HMGN3: variants seen among roughly 807,000 people sequenced by gnomAD.
HMGN3 encodes high mobility group nucleosomal binding domain 3, also known as high mobility group nucleosome-binding domain-containing protein 3.
In HMGN3, 6 loss-of-function variants were observed where a neutral mutation model predicts 18.8. The observed-to-expected ratio is 0.32, with a 90% confidence interval of 0.18 to 0.63. The LOEUF is 0.63. Ranked by LOEUF, HMGN3 falls within the 30% of genes least tolerant of loss-of-function variation. HMGN3 has a pLI of 0.79. For missense variants in HMGN3, 107 were observed against 114.2 expected (o/e 0.94, Z 0.29); for synonymous variants, 40 against 36.5 (o/e 1.10, Z -0.35).
rs1484282630 is a variant in HMGN3 at position 79,234,623 on chromosome 6, G to A, written c.-63C>T. The A allele has an allele frequency of 3.9e-6, 6 of 1,557,850 alleles. No homozygotes were observed. In the East Asian group the frequency reaches 1.3e-4, roughly 35 times the overall value. Reference sequence around the variant, plus strand: ...ACTGGAACTGCTGGCGCCGCCGCTGGATGCTGCCTCTGCCTCTGCAGCTGC... The same window carrying A: ...ACTGGAACTGCTGGCGCCGCCGCTGAATGCTGCCTCTGCCTCTGCAGCTGC... On this transcript the variant is annotated 5_prime_UTR_variant, in exon 1 of 6. Transcript: ENST00000344726.
At chr6:79,218,589 T>C (rs1158156294) in intron 1 of HMGN3, among the ~76,000 whole-genome samples, 3 of 151,852 alleles carry the variant, frequency 2.0e-5, no homozygotes. Flanking sequence ...AGTTTGAAAA[T>C]ACAAATACAA....
At chr6:79,214,723 C>T (rs1776883968) in intron 2 of HMGN3, among the ~76,000 whole-genome samples, 1 of 152,162 alleles carries the variant, frequency 6.6e-6, no homozygotes, top group African/African-American at 2.4e-5. Flanking sequence ...GCAGGGCTGA[C>T]AGGTAGAAAC....
At chr6:79,202,501 G>T in intron 4 of HMGN3, 112 bp from the exon 5 acceptor site, 1 of 890,388 alleles carries the variant, frequency 1.1e-6, no homozygotes, top group Admixed American at 1.9e-5. Flanking sequence ...TTACCATCAT[G>T]GTGGCCTTTA....
intron 3 of HMGN3, among the ~76,000 whole-genome samples, chr6:79,204,405 C>T (rs1356233343): frequency 6.6e-6 from 1 of 152,194 alleles, no homozygotes; most frequent in Non-Finnish European, 1.5e-5. Context: ...ACCGTGTGAC[C>T]ATGGACCCTC....
intron 3 of HMGN3, among the ~76,000 whole-genome samples, chr6:79,204,854 C>T (rs779390030): frequency 1.2e-4 from 19 of 152,230 alleles, no homozygotes; most frequent in Admixed American, 5.2e-4. Context: ...AGGCCAAATA[C>T]AGCAGCTTTC....
intron 4 of HMGN3, 136 bp from the exon 5 acceptor site, chr6:79,202,525 G>A: frequency 1.4e-6 from 1 of 705,602 alleles, no homozygotes; most frequent in Non-Finnish European, 2.5e-6. Flanking sequence ...AGACACGGGA[G>A]CCTAATTTTG....
intron 2 of HMGN3, among the ~76,000 whole-genome samples, chr6:79,210,185 T>C (rs1776615697): frequency 6.6e-6 from 1 of 152,190 alleles, no homozygotes; most frequent in South Asian, 2.1e-4. Context: ...GTATTAAGTA[T>C]ACTGAAGGCA....
rs570576427 is a variant in HMGN3, at chr6:79,218,534, G to A, written c.16-3512C>T. 1.2e-3 allele frequency among the ~76,000 whole-genome samples: 190 copies of A among 152,168 alleles called. 1 individual carries two copies. The highest frequency in any genetic ancestry group is 4.3e-3 in the African/African-American group (179 of 41,528). On this transcript the variant is annotated intron_variant, in intron 1 of 5. Transcript: ENST00000344726. ...ATCAACAGAGATGAATCTCACAAAC[G>A]TAATGTTGGGCAAAAAAGGGAAGTC...
intron 1 of HMGN3, among the ~76,000 whole-genome samples, chr6:79,217,674 C>G (rs1777059420): frequency 6.6e-6 from 1 of 152,116 alleles, no homozygotes; most frequent in African/African-American, 2.4e-5. Context: ...TTGGAAAGAC[C>G]TACCATTATA....
At chr6:79,202,237 A>G (rs1194801433) in intron 5 of HMGN3, 39 bp downstream of exon 5, 1 of 1,613,510 alleles carries the variant, frequency 6.2e-7, no homozygotes, top group South Asian at 1.1e-5. Flanking sequence ...TTCTTTAAAG[A>G]CACTGATTCA....
At chr6:79,209,574 T>C (rs1776581892) in intron 2 of HMGN3, among the ~76,000 whole-genome samples, 1 of 152,222 alleles carries the variant, frequency 6.6e-6, no homozygotes. Context: ...CTTTCCCTAA[T>C]TCTCACTGCC....
rs1448231916 is a variant in HMGN3, at chr6:79,203,564, AAACAGCACTTCTTACC to A, written c.147_147+15del. 1 of 1,608,950 alleles carries A rather than the reference AAACAGCACTTCTTACC, an allele frequency of 6.2e-7. No individual in the cohort carries two copies. Among genetic ancestry groups the A allele is most frequent in the Admixed American group, 1.7e-5 (1 of 59,946 alleles). On this transcript the variant is annotated splice_donor_variant and splice_donor_5th_base_variant and coding_sequence_variant and intron_variant, in exon 4 of 6. Coordinates refer to ENST00000344726, the Ensembl canonical transcript of HMGN3. LOFTEE classifies it high-confidence loss of function. The stretch of plus-strand genomic sequence containing the variant: ...CATTGTTTAAAAAGCCAAAAGTGGG[AAACAGCACTTCTTACC>A]TTAGCAGATGTTTTTCTTGGTTTGG...
At chr6:79,202,351 C>T in exon 5 of HMGN3, 1 of 1,614,136 alleles carries the variant, frequency 6.2e-7, no homozygotes, top group Non-Finnish European at 8.5e-7. Context: ...CCTCCTTCTT[C>T]CCTTTAGCAC....
intron 1 of HMGN3, among the ~76,000 whole-genome samples, chr6:79,230,472 C>G (rs1366871165): frequency 6.6e-6 from 1 of 152,180 alleles, no homozygotes; most frequent in Admixed American, 6.5e-5. Context: ...AAATTATACT[C>G]TCATAACTGA....
In HMGN3 at chr6:79,214,150, T is replaced by TA. The variant is rs937905764; in HGVS notation, c.66+821dup. On this transcript the variant is annotated intron_variant, in intron 2 of 5. Transcript: ENST00000344726. ...CCCAATATCCTGAGTGTTCCCAATTTAAAAAAAAGCTTTAATATTTTGACA... is the reference window on the plus strand; with the variant it reads ...CCCAATATCCTGAGTGTTCCCAATTTAAAAAAAAAGCTTTAATATTTTGACA... Among the ~76,000 whole-genome samples, 6 of 151,114 alleles carry TA rather than the reference T, an allele frequency of 4.0e-5. No individual in the cohort carries two copies. In the East Asian group the frequency reaches 7.7e-4, roughly 19 times the overall value.
chr6:79,227,854 C>T (rs575751447), intron 1 of HMGN3, among the ~76,000 whole-genome samples: 2 of 152,120 alleles, frequency 1.3e-5, no homozygotes, highest in Non-Finnish European at 2.9e-5. Flanking sequence ...ATTTGTTCTA[C>T]AAATATTTAC....
Position 79,204,633 on chromosome 6 carries a change from T to C in HMGN3, c.97-1003A>G, listed in dbSNP as rs535494334. On this transcript the variant is annotated intron_variant, in intron 3 of 5. Coordinates refer to ENST00000344726, the Ensembl canonical transcript of HMGN3. ...AAACACTGGCCAGGGTCTCCCCCTA[T>C]GGAGAAAAATACATGTTCCTCCCTA... 2.6e-5 allele frequency among the ~76,000 whole-genome samples: 4 copies of C among 152,354 alleles called. No individual in the cohort carries two copies. In the East Asian group the frequency reaches 5.8e-4, roughly 22 times the overall value.
intron 1 of HMGN3, among the ~76,000 whole-genome samples, chr6:79,229,603 C>T (rs1777735987): frequency 6.6e-6 from 1 of 152,168 alleles, no homozygotes; most frequent in Admixed American, 6.5e-5. Flanking sequence ...GACGGCCGGG[C>T]GCCGTGGCTC....
chr6:79,204,477 G>A lies in HMGN3; in HGVS notation c.97-847C>T, dbSNP rs147566550. On this transcript the variant is annotated intron_variant, in intron 3 of 5. Transcript: ENST00000344726. ...GGGCCTGAGACCAGGTGGCACATGC[G>A]GATAACTGGGGAAAGATAACCATTT... Among the ~76,000 whole-genome samples the A allele has an allele frequency of 2.1e-3, 321 of 152,254 alleles. 2 individuals carry two copies. Among genetic ancestry groups the A allele is most frequent in the African/African-American group, 6.9e-3 (286 of 41,556 alleles).
Sources: gnomAD v4.1 joint callset for allele counts (sites outside exome capture counted in the v4.1 genomes callset) on GRCh38, gnomAD v4.1.1 for gene constraint, MANE v1.5 for transcripts, NCBI Gene and HGNC (gene_info 2026-07-23, HGNC 2026-07-21) for gene names.